RTCA: variants seen among roughly 807,000 people sequenced by gnomAD.
The protein encoded by RTCA is RNA 3'-terminal phosphate cyclase.
In RTCA, 37 loss-of-function variants were observed where a neutral mutation model predicts 46.1. The observed-to-expected ratio is 0.80, with a 90% confidence interval of 0.62 to 1.06. The LOEUF is 1.06. RTCA is among the 50% of genes least tolerant of loss of function. RTCA has a pLI of 0.00. For synonymous variants in RTCA, 164 were observed against 158.3 expected, an observed-to-expected ratio of 1.04 and a Z score of -0.27; for missense variants, 435 against 455.5, an observed-to-expected ratio of 0.95 and a Z score of 0.41.
At position 100,270,642 on chromosome 1, in the gene RTCA, A is replaced by G; in HGVS notation, c.376A>G (p.Asn126Asp). Residue 126 changes from asparagine (N) to aspartate (D), a missense_variant, in exon 4 of 11, where the codon AAT (asparagine) becomes GAT (aspartate). Coordinates refer to ENST00000370128, the MANE Select transcript of RTCA (RefSeq NM_003729.4). ...AGAACTTCATTTGAAAGGTGGAACT[A>G]ATGCTGAAATGGCACCACAGATCGA... ...PSELHLKGGTNAEMAPQIDYT... is the reference protein window; with the variant it reads ...PSELHLKGGTDAEMAPQIDYT... 2 of 1,614,078 alleles carry G rather than the reference A, an allele frequency of 1.2e-6. No individual in the cohort carries two copies. Among genetic ancestry groups the G allele is most frequent in the East Asian group, 2.2e-5 (1 of 44,878 alleles).
At position 100,291,441 on chromosome 1, in the gene RTCA, C is replaced by T. The variant is rs533716553; in HGVS notation, c.1038C>T (p.Asp346=). ...TGAAGAAATCAGAAGATGAAGAAGACGCCGCTAAAGATACTTATATTATTG... is the reference window on the plus strand; with the variant it reads ...TGAAGAAATCAGAAGATGAAGAAGATGCCGCTAAAGATACTTATATTATTG... ...FIVKKSEDEE[D]AAKDTYIIEC... is the part of the protein sequence containing the mutation. The change falls in exon 11 of 11, where the codon GAC becomes GAT. Residue 346 remains aspartate (D), a synonymous_variant. Coordinates refer to ENST00000370128, the MANE Select transcript of RTCA (RefSeq NM_003729.4). The T allele has an allele frequency of 7.1e-5, 115 of 1,612,146 alleles. No individual in the cohort carries two copies. The highest frequency in any genetic ancestry group is 6.7e-4 in the South Asian group (61 of 90,736).
chr1:100,267,237 G>T, intron 2 of RTCA: 1 of 374,048 alleles, frequency 2.7e-6, no homozygotes, highest in Non-Finnish European at 4.7e-6. Flanking sequence ...AAGCCACACT[G>T]ATTGCTTTGT....
chr1:100,273,935 T>C (rs1666235581), intron 5 of RTCA, among the ~76,000 whole-genome samples: 1 of 152,240 alleles, frequency 6.6e-6, no homozygotes, highest in Non-Finnish European at 1.5e-5. Flanking sequence ...AGTCTTGCCC[T>C]AACTTTTCTA....
intron 8 of RTCA, among the ~76,000 whole-genome samples, chr1:100,277,538 G>A (rs958304156): frequency 2.6e-5 from 4 of 152,158 alleles, no homozygotes; most frequent in African/African-American, 9.7e-5. Context: ...AGTTCAACTA[G>A]TCATCCATAC....
intron 2 of RTCA, 39 bp downstream of exon 2, chr1:100,266,663 G>A (rs1570868730): frequency 6.5e-7 from 1 of 1,531,678 alleles, no homozygotes; most frequent in Non-Finnish European, 8.9e-7. Context: ...CGTGAAGCTG[G>A]GGGATCGGGG....
chr1:100,286,316 T>C (rs1237719649), intron 9 of RTCA, among the ~76,000 whole-genome samples: 1 of 151,318 alleles, frequency 6.6e-6, no homozygotes, highest in Non-Finnish European at 1.5e-5. Context: ...TAGCCGGGCG[T>C]GGTGGCGGGT....
At chr1:100,290,146 A>T (rs368371552) in intron 10 of RTCA, among the ~76,000 whole-genome samples, 1 of 152,228 alleles carries the variant, frequency 6.6e-6, no homozygotes, top group Admixed American at 6.5e-5. Flanking sequence ...ATTTTTAAAC[A>T]TTACTATTCA....
intron 8 of RTCA, among the ~76,000 whole-genome samples, chr1:100,283,922 T>TAAAAAAAAAAAAAAAAA (rs562483681): frequency 2.6e-4 from 3 of 11,366 alleles, no homozygotes; most frequent in Non-Finnish European, 3.4e-4. Context: ...ACCTAGTCGC[T>TAAAAAAAAAAAAAAAAA]AAAAAAAAAA....
At chr1:100,273,502 T>C in intron 5 of RTCA, 50 bp downstream of exon 5, 1 of 1,241,954 alleles carries the variant, frequency 8.1e-7, no homozygotes, top group Non-Finnish European at 1.1e-6. Context: ...ACGCTAGAAG[T>C]AGTGGAAAAG....
At chr1:100,280,945 G>A (rs1666671219) in intron 8 of RTCA, among the ~76,000 whole-genome samples, 1 of 152,092 alleles carries the variant, frequency 6.6e-6, no homozygotes. Flanking sequence ...GGAGGTGTAG[G>A]TTGCAGTGAG....
intron 8 of RTCA, among the ~76,000 whole-genome samples, chr1:100,283,904 G>A (rs149577999): frequency 2.5e-5 from 3 of 118,428 alleles, no homozygotes; most frequent in African/African-American, 3.3e-5. Flanking sequence ...TCCAGGCAAC[G>A]TAGTGAGACC....
At chr1:100,269,828 C>T (rs1665987840) in intron 3 of RTCA, among the ~76,000 whole-genome samples, 1 of 151,954 alleles carries the variant, frequency 6.6e-6, no homozygotes, top group Non-Finnish European at 1.5e-5. Context: ...TAGTGCTCTC[C>T]CTCCCCTTGC....
Position 100,273,391 on chromosome 1 carries a change from C to A in RTCA, c.415-3C>A. 2 of 1,563,438 alleles carry A rather than the reference C, an allele frequency of 1.3e-6. No homozygotes were observed. The highest frequency in any genetic ancestry group is 1.2e-5 in the South Asian group (1 of 84,634). Reference sequence around the variant, plus strand: ...ACCTAATGATAAAAACTGATTTTTTCAGGTCTTCAAGCCAATTGTTGAAAA... The same window carrying A: ...ACCTAATGATAAAAACTGATTTTTTAAGGTCTTCAAGCCAATTGTTGAAAA... On this transcript the variant is annotated splice_polypyrimidine_tract_variant and splice_region_variant and intron_variant, in intron 4 of 10. Coordinates refer to ENST00000370128, the MANE Select transcript of RTCA (RefSeq NM_003729.4).
chr1:100,290,387 C>T lies in RTCA; in HGVS notation c.1000-1016C>T, dbSNP rs115832371. ...CAGAATAGCTGGGATTATAGGTGTGCACCACTGCACCTGGCTAGTTGTTTT... is the reference window on the plus strand; with the variant it reads ...CAGAATAGCTGGGATTATAGGTGTGTACCACTGCACCTGGCTAGTTGTTTT... On this transcript the variant is annotated intron_variant, in intron 10 of 10. Transcript: ENST00000370128. Among the ~76,000 whole-genome samples, 887 of 152,248 alleles carry T rather than the reference C, an allele frequency of 5.8e-3. 12 individuals carry two copies. The highest frequency in any genetic ancestry group is 0.02 in the African/African-American group (821 of 41,524).
intron 3 of RTCA, among the ~76,000 whole-genome samples, chr1:100,270,281 A>G (rs547267307): frequency 6.6e-6 from 1 of 152,294 alleles, no homozygotes; most frequent in South Asian, 2.1e-4. Flanking sequence ...AGCCAAGGTC[A>G]CACAGCTAAT....
In RTCA at chr1:100,277,256, A is replaced by G; in HGVS notation, c.741-2A>G. The G allele has an allele frequency of 5.0e-6, 8 of 1,613,092 alleles. No homozygotes were observed. Among genetic ancestry groups the G allele is most frequent in the Non-Finnish European group, 6.8e-6 (8 of 1,179,608 alleles). On this transcript the variant is annotated splice_acceptor_variant, in intron 7 of 10. Coordinates refer to ENST00000370128, the MANE Select transcript of RTCA (RefSeq NM_003729.4). LOFTEE classifies it high-confidence loss of function. ...GTAGTAATAACTTTTTTTCTTGCAT[A>G]GAATTATTGCTGAGACCTCCACTGG...
At position 100,274,944 on chromosome 1, in the gene RTCA, T is replaced by TG; in HGVS notation, c.595dup (p.Ala199GlyfsTer7). 1 of 1,608,510 alleles carries TG rather than the reference T, an allele frequency of 6.2e-7. No individual in the cohort carries two copies. The highest frequency in any genetic ancestry group is 8.5e-7 in the Non-Finnish European group (1 of 1,176,014). On this transcript the variant is annotated frameshift_variant, in exon 6 of 11. Coordinates refer to ENST00000370128, the MANE Select transcript of RTCA (RefSeq NM_003729.4). LOFTEE classifies it high-confidence loss of function. ...CTAAGATATATGGAAGAGCTTTCGT[T>TG]GCTGGTGTTTTGCCATTTAAAGTAA...
At chr1:100,268,356 T>C (rs1354203229) in intron 3 of RTCA, 61 bp downstream of exon 3, 1 of 1,370,378 alleles carries the variant, frequency 7.3e-7, no homozygotes, top group Non-Finnish European at 1.0e-6. Context: ...TTTGCCACTT[T>C]CTGGGCAAGT....
intron 2 of RTCA, chr1:100,267,352 C>T (rs1665841179): frequency 2.4e-6 from 2 of 825,810 alleles, no homozygotes; most frequent in East Asian, 6.0e-5. Context: ...ATGTTAATTG[C>T]CTTTGTCATA....
Sources: allele counts gnomAD v4.1 joint callset (sites outside exome capture counted in the v4.1 genomes callset), GRCh38; gene constraint gnomAD v4.1.1; transcripts MANE v1.5; gene names NCBI Gene and HGNC (gene_info 2026-07-23, HGNC 2026-07-21).